Variants in PRKN observed in about 807,000 individuals in gnomAD.
PRKN encodes the protein parkin RBR E3 ubiquitin protein ligase.
Under a neutral mutation model 59.5 loss-of-function variants are expected in PRKN, and 56 were observed. The ratio of observed to expected loss-of-function variants is 0.94; its 90% CI spans 0.76 to 1.18. The LOEUF (loss-of-function observed/expected upper bound fraction) is 1.18. PRKN is among the 50% of genes most tolerant of loss of function. The probability of loss-of-function intolerance (pLI) is 0.00; values close to 1 mark genes in which losing one functional copy is unlikely to be tolerated. For missense variants in PRKN, 657 were observed against 596.4 expected, an observed-to-expected ratio of 1.10 and a Z score of -1.06; for synonymous variants, 250 against 222.1, an observed-to-expected ratio of 1.13 and a Z score of -1.12.
intron 1 of PRKN, among the ~76,000 whole-genome samples, chr6:162,564,540 A>C (rs2023013): frequency 0.93 from 142,054 of 152,018 alleles, 66,477 homozygotes; most frequent in Middle Eastern, 0.97. Context: ...AGAAAACTAC[A>C]TCAAGGCATT....
At chr6:162,152,251 C>T (rs554703403) in intron 4 of PRKN, among the ~76,000 whole-genome samples, 8 of 152,280 alleles carry the variant, frequency 5.3e-5, no homozygotes, top group African/African-American at 9.6e-5. Flanking sequence ...TGGCTCACAT[C>T]GTTTCCTAGT....
At chr6:162,301,788 G>GGC (rs1554297458) in intron 2 of PRKN, among the ~76,000 whole-genome samples, 1 of 113,820 alleles carries the variant, frequency 8.8e-6, no homozygotes, top group African/African-American at 3.1e-5. Context: ...CGGGGCGGGG[G>GGC]GGGGGTGCAG....
At position 161,360,036 on chromosome 6, in the gene PRKN, T is replaced by C; in HGVS notation, c.1285+52A>G. The stretch of plus-strand genomic sequence containing the variant: ...TCCTGGAATCCCTGATGGGTATGAT[T>C]CTCCCCCAAAGAGCACACGACATCC... On this transcript the variant is annotated intron_variant, in intron 11 of 11. Transcript: ENST00000366898. This position sits in a 1 kb window ranked among gnomAD's most constrained non-coding sequence, Gnocchi z 5.1. 1 of 1,326,102 alleles carries C rather than the reference T, an allele frequency of 7.5e-7. No homozygotes were observed. Among genetic ancestry groups the C allele is most frequent in the Non-Finnish European group, 1.1e-6 (1 of 917,202 alleles). The allele number at this position is 1,326,102 out of a possible 1,614,324, so 82.1% of individuals were successfully genotyped here.
intron 9 of PRKN, among the ~76,000 whole-genome samples, chr6:161,403,952 C>T (rs1276128632): frequency 6.6e-6 from 1 of 152,134 alleles, no homozygotes; most frequent in Admixed American, 6.5e-5. Context: ...ACTTCCCAGC[C>T]TCCAGAATCA....
intron 2 of PRKN, among the ~76,000 whole-genome samples, chr6:162,438,844 G>C (rs1013697533): frequency 6.6e-6 from 1 of 152,106 alleles, no homozygotes; most frequent in African/African-American, 2.4e-5. Flanking sequence ...TGCAAACTTT[G>C]GAAGTTTCCA....
At position 161,393,567 on chromosome 6, in the gene PRKN, T is replaced by A. The variant is rs774893241; in HGVS notation, c.1084-6690A>T. On this transcript the variant is annotated intron_variant, in intron 9 of 11. Transcript: ENST00000366898. The surrounding 1 kb of genome is among the most constrained non-coding windows in gnomAD (Gnocchi z 4.7). Reference sequence around the variant, plus strand: ...ATGTTTGAGTTTGCTTTCCCATATTTCCATAATGAACACATTCAAAAGGGG... The same window carrying A: ...ATGTTTGAGTTTGCTTTCCCATATTACCATAATGAACACATTCAAAAGGGG... Among the ~76,000 whole-genome samples the A allele has an allele frequency of 1.3e-5, 2 of 152,024 alleles. No homozygotes were observed. The highest frequency in any genetic ancestry group is 2.9e-5 in the Non-Finnish European group (2 of 68,010).
At chr6:162,188,041 G>A (rs1307702639) in intron 4 of PRKN, among the ~76,000 whole-genome samples, 1 of 152,066 alleles carries the variant, frequency 6.6e-6, no homozygotes, top group Non-Finnish European at 1.5e-5. Context: ...AGTCTCATGA[G>A]ATCTGATCAT....
Position 161,401,771 on chromosome 6 carries a change from G to T in PRKN, c.1084-14894C>A, listed in dbSNP as rs1363974346. On this transcript the variant is annotated intron_variant, in intron 9 of 11. Transcript: ENST00000366898. This position sits in a 1 kb window ranked among gnomAD's most constrained non-coding sequence, Gnocchi z 4.4. ...TGAGATTCTCAGACAGCTGCATTTGGATTTCCGGGGGCTGGACTGGATCTC... is the reference window on the plus strand; with the variant it reads ...TGAGATTCTCAGACAGCTGCATTTGTATTTCCGGGGGCTGGACTGGATCTC... 6.6e-6 allele frequency among the ~76,000 whole-genome samples: 1 copy of T among 152,154 alleles called. No homozygotes were observed. Among genetic ancestry groups the T allele is most frequent in the East Asian group, 1.9e-4 (1 of 5,198 alleles).
In PRKN at chr6:161,699,438, G is replaced by A. The variant is rs73783341; in HGVS notation, c.871+86334C>T. Among the ~76,000 whole-genome samples the A allele has an allele frequency of 5.7e-3, 861 of 152,118 alleles. 5 individuals are homozygous for A. The highest frequency in any genetic ancestry group is 0.02 in the African/African-American group (817 of 41,502). On this transcript the variant is annotated intron_variant, in intron 7 of 11. Transcript: ENST00000366898. ...AGTTCCAAAGTGGAATGACCCAAACGTCCACCAACAGGTAAACGGATAACA... is the reference window on the plus strand; with the variant it reads ...AGTTCCAAAGTGGAATGACCCAAACATCCACCAACAGGTAAACGGATAACA...
rs1784573838 is a variant in PRKN at position 161,352,156 on chromosome 6, T to C, written c.1286-1945A>G. Among the ~76,000 whole-genome samples, 1 of 152,232 alleles carries C rather than the reference T, an allele frequency of 6.6e-6. No individual in the cohort carries two copies. Among genetic ancestry groups the C allele is most frequent in the Admixed American group, 6.5e-5 (1 of 15,284 alleles). On this transcript the variant is annotated intron_variant, in intron 11 of 11. Coordinates refer to ENST00000366898, the MANE Select transcript of PRKN (RefSeq NM_004562.3). This position sits in a 1 kb window ranked among gnomAD's most constrained non-coding sequence, Gnocchi z 5.8. Reference sequence around the variant, plus strand: ...GTGCTCCATTACTCACTCTTACCAATTATCTTGTTAATTGATTTTTCCTGC... The same window carrying C: ...GTGCTCCATTACTCACTCTTACCAACTATCTTGTTAATTGATTTTTCCTGC...
intron 4 of PRKN, among the ~76,000 whole-genome samples, chr6:162,185,091 T>C (rs998289919): frequency 5.3e-5 from 8 of 152,186 alleles, no homozygotes; most frequent in Non-Finnish European, 8.8e-5. Context: ...CTTCTGAACA[T>C]ATATACTGGC....
rs188406597 is a variant in PRKN at position 161,567,082 on chromosome 6, A to T, written c.933+2273T>A. The stretch of plus-strand genomic sequence containing the variant: ...GTGAGAGAGGGTCACTCTGTAACAA[A>T]GACTAGACTGCAGTGGCACAATCTT... On this transcript the variant is annotated intron_variant, in intron 8 of 11. Transcript: ENST00000366898. Among the ~76,000 whole-genome samples, 219 of 145,984 alleles carry T rather than the reference A, an allele frequency of 1.5e-3. 1 individual carries two copies. The highest frequency in any genetic ancestry group is 2.5e-3 in the Non-Finnish European group (170 of 66,896).
chr6:161,535,064 T>C (rs1779362366), intron 9 of PRKN, among the ~76,000 whole-genome samples: 1 of 152,240 alleles, frequency 6.6e-6, no homozygotes. Flanking sequence ...AGTAGTGCCT[T>C]TGTATGTGAC....
chr6:161,903,447 G>A (rs926515469), intron 6 of PRKN, among the ~76,000 whole-genome samples: 34 of 152,160 alleles, frequency 2.2e-4, no homozygotes, highest in Non-Finnish European at 4.6e-4. Flanking sequence ...ACTTCGCGAA[G>A]GCAAAGAAAA....
chr6:162,552,424 T>C (rs1055844505), intron 1 of PRKN, among the ~76,000 whole-genome samples: 5 of 152,072 alleles, frequency 3.3e-5, no homozygotes, highest in African/African-American at 1.2e-4. Context: ...GAAGATGTAC[T>C]CTGGAGGTAT....
chr6:162,003,886 T>C (rs1782153600), intron 5 of PRKN, among the ~76,000 whole-genome samples: 1 of 152,212 alleles, frequency 6.6e-6, no homozygotes, highest in Non-Finnish European at 1.5e-5. Flanking sequence ...TGTTCTATTA[T>C]TGAAAGAGAT....
At chr6:161,384,102 G>A (rs1420932892) in intron 10 of PRKN, among the ~76,000 whole-genome samples, 1 of 152,140 alleles carries the variant, frequency 6.6e-6, no homozygotes, top group Non-Finnish European at 1.5e-5. Context: ...TACCTCCTCA[G>A]AATTCCTATC....
intron 2 of PRKN, among the ~76,000 whole-genome samples, chr6:162,288,810 G>A (rs995998180): frequency 6.6e-6 from 1 of 152,166 alleles, no homozygotes; most frequent in African/African-American, 2.4e-5. Flanking sequence ...CTTGCCATTT[G>A]CAGATACCTA....
At chr6:161,415,772 C>T (rs1787823389) in intron 9 of PRKN, among the ~76,000 whole-genome samples, 1 of 151,860 alleles carries the variant, frequency 6.6e-6, no homozygotes, top group Non-Finnish European at 1.5e-5. Flanking sequence ...TGCTCTCACT[C>T]CCCGCCACTG....
Sources: allele counts gnomAD v4.1 joint callset (sites outside exome capture counted in the v4.1 genomes callset), GRCh38; gene constraint gnomAD v4.1.1; non-coding constraint Gnocchi (gnomAD v3.1); transcripts MANE v1.5; gene names NCBI Gene and HGNC (gene_info 2026-07-23, HGNC 2026-07-21).